Variants in ZNF644 observed in about 807,000 individuals in gnomAD.
The protein encoded by ZNF644 is zinc finger motif enhancer binding protein 2.
In ZNF644, 20 loss-of-function variants were observed where a neutral mutation model predicts 108.0. The observed-to-expected ratio is 0.19, with a 90% CI of 0.13 to 0.27. ZNF644 has a LOEUF of 0.27. Among genes scored for constraint, ZNF644 ranks in the 10% least tolerant of loss-of-function variants. ZNF644 has a pLI of 1.00. For synonymous variants in ZNF644, 542 were observed against 539.1 expected (o/e 1.01, Z -0.08); for missense variants, 1,338 against 1,548.9 (o/e 0.86, Z 2.29).
At chr1:90,950,218 A>G (rs556264450) in intron 2 of ZNF644, among the ~76,000 whole-genome samples, 10 of 133,948 alleles carry the variant, frequency 7.5e-5, no homozygotes, top group Non-Finnish European at 1.3e-4. Flanking sequence ...GAAAGGTTGC[A>G]GTGAGCCGAG....
chr1:90,958,597 T>C (rs1419386690), intron 2 of ZNF644, among the ~76,000 whole-genome samples: 4 of 151,996 alleles, frequency 2.6e-5, no homozygotes, highest in Admixed American at 6.6e-5. Flanking sequence ...TAGTAATCAA[T>C]GTGGCAGTAG....
intron 1 of ZNF644, among the ~76,000 whole-genome samples, chr1:91,005,920 A>G (rs139704714): frequency 6.6e-6 from 1 of 152,110 alleles, no homozygotes; most frequent in East Asian, 1.9e-4. Flanking sequence ...CAGCAGAAAT[A>G]GAGAACAGAA....
At position 91,000,100 on chromosome 1, in the gene ZNF644, C is replaced by T. The variant is rs951202414; in HGVS notation, c.-17-17730G>A. ...ACACAATAATAAAGGGAGACTTTAG[C>T]ACCCCACTGTCAACATTAGACAGAT... On this transcript the variant is annotated intron_variant, in intron 1 of 5. Transcript: ENST00000337393. 9.9e-5 allele frequency among the ~76,000 whole-genome samples: 15 copies of T among 152,160 alleles called. 1 individual carries two copies. Among genetic ancestry groups the T allele is most frequent in the Admixed American group, 9.8e-4 (15 of 15,284 alleles).
intron 2 of ZNF644, among the ~76,000 whole-genome samples, chr1:90,958,970 G>C (rs1455832574): frequency 6.6e-6 from 1 of 151,498 alleles, no homozygotes; most frequent in African/African-American, 2.4e-5. Context: ...AACAGAAATT[G>C]AACTTTATCA....
At chr1:90,949,444 G>C (rs1652861292) in intron 2 of ZNF644, among the ~76,000 whole-genome samples, 1 of 151,890 alleles carries the variant, frequency 6.6e-6, no homozygotes, top group Admixed American at 6.6e-5. Flanking sequence ...TCTTAATTTA[G>C]GATGGTAATA....
In ZNF644 at chr1:90,941,447, T is replaced by A. The variant is rs1437460722; in HGVS notation, c.45-138A>T. 3 of 806,600 alleles carry A rather than the reference T, an allele frequency of 3.7e-6. No individual in the cohort carries two copies. The African/African-American group carries it at 5.2e-5, about 14-fold the overall frequency. The allele number at this position is 806,600 out of a possible 1,614,324, so 50.0% of individuals were successfully genotyped here. ...TGAGATTCTAATAATTTTCCAAGAA[T>A]GAAAGAACACAAACATATTGAAATA... is the stretch of plus-strand genomic sequence containing the variant. On this transcript the variant is annotated intron_variant, in intron 2 of 5. Coordinates refer to ENST00000337393, the MANE Select transcript of ZNF644 (RefSeq NM_201269.3).
chr1:91,011,424 AT>A (rs1264978089), intron 1 of ZNF644, among the ~76,000 whole-genome samples: 2 of 152,194 alleles, frequency 1.3e-5, no homozygotes, highest in Non-Finnish European at 2.9e-5. Context: ...GTGAAGATAT[AT>A]TTTTTATTAT....
In ZNF644 at chr1:90,940,438, C is replaced by G; in HGVS notation, c.916G>C (p.Asp306His). 5 of 1,613,528 alleles carry G rather than the reference C, an allele frequency of 3.1e-6. No homozygotes were observed. Among genetic ancestry groups the G allele is most frequent in the Non-Finnish European group, 4.2e-6 (5 of 1,179,890 alleles). ...ACACAATTAGAATCACTAAAGCAATCCTCGGTATAACGAGTTATCTTGCTT... is the reference window on the plus strand; with the variant it reads ...ACACAATTAGAATCACTAAAGCAATGCTCGGTATAACGAGTTATCTTGCTT... ...DVSKITRYTE[D>H]CFSDSNCVPN... Residue 306 changes from aspartate (D) to histidine (H), a missense_variant, in exon 3 of 6, where the codon GAT (aspartate) becomes CAT (histidine). Asp to His is a moderately conservative substitution (Grantham distance 81). This residue lies in a region of ZNF644 where 464 missense variants were observed against 457.9 expected (regional missense o/e 1.01). Coordinates refer to ENST00000337393, the MANE Select transcript of ZNF644 (RefSeq NM_201269.3).
chr1:90,932,142 T>C (rs1381679474), intron 4 of ZNF644, among the ~76,000 whole-genome samples: 2 of 152,182 alleles, frequency 1.3e-5, no homozygotes, highest in African/African-American at 4.8e-5. Context: ...GTATTCAGGA[T>C]ACTTGAAGAG....
Position 90,938,208 on chromosome 1 carries a change from CTT to C in ZNF644, c.3082+62_3082+63del. ...TAATAAAGACTAAATTCAAAAAAAA[CTT>C]TTAAATCTTCAGAATTAGAACACAG... On this transcript the variant is annotated intron_variant, in intron 3 of 5. Transcript: ENST00000337393. The surrounding 1 kb of genome is among the most constrained non-coding windows in gnomAD (Gnocchi z 4.2). 6.2e-7 allele frequency: 1 copy of C among 1,611,330 alleles called. No homozygotes were observed. Among genetic ancestry groups the C allele is most frequent in the Non-Finnish European group, 8.5e-7 (1 of 1,178,192 alleles).
rs765790913 is a variant in ZNF644, at chr1:90,940,121, G to C, written c.1233C>G (p.Pro411=). Residue 411 remains proline (P), a synonymous_variant, in exon 3 of 6, where the codon CCC becomes CCG. Coordinates refer to ENST00000337393, the MANE Select transcript of ZNF644 (RefSeq NM_201269.3). ...TFSTEEPSFY[P]CTKCNVNFRE... is the part of the protein sequence containing the mutation. ...TAAAATTCACATTGCACTTTGTACA[G>C]GGGTAGAATGATGGCTCTTCGGTAC... is the stretch of plus-strand genomic sequence containing the variant. 3 of 1,614,038 alleles carry C rather than the reference G, an allele frequency of 1.9e-6. No individual in the cohort carries two copies. Among genetic ancestry groups the C allele is most frequent in the Non-Finnish European group, 2.5e-6 (3 of 1,179,964 alleles).
intron 1 of ZNF644, among the ~76,000 whole-genome samples, chr1:90,994,515 A>G (rs959910716): frequency 6.6e-6 from 1 of 152,220 alleles, no homozygotes; most frequent in Non-Finnish European, 1.5e-5. Context: ...AAATAATTGG[A>G]TGACTGATAA....
At chr1:90,941,465 T>A (rs1376139881) in intron 2 of ZNF644, among the ~76,000 whole-genome samples, 156 bp from the exon 3 acceptor site, 1 of 152,144 alleles carries the variant, frequency 6.6e-6, no homozygotes, top group African/African-American at 2.4e-5. Flanking sequence ...CACAAACATA[T>A]TGAAATATTT....
chr1:90,950,363 C>T (rs1653016053), intron 2 of ZNF644, among the ~76,000 whole-genome samples: 1 of 124,860 alleles, frequency 8.0e-6, no homozygotes, highest in Non-Finnish European at 1.7e-5. Context: ...AGAAATAGTG[C>T]TAATAATAGT....
chr1:90,949,987 T>C (rs1333102875), intron 2 of ZNF644, among the ~76,000 whole-genome samples: 1 of 151,940 alleles, frequency 6.6e-6, no homozygotes, highest in Non-Finnish European at 1.5e-5. Context: ...TTCAAAAAAA[T>C]AGCGCTGGGG....
chr1:90,994,726 T>C (rs527999932), intron 1 of ZNF644, among the ~76,000 whole-genome samples: 6 of 152,310 alleles, frequency 3.9e-5, no homozygotes, highest in South Asian at 2.1e-4. Context: ...AGAAGCTCTG[T>C]AGAACAGCTG....
rs1466684020 is a variant in ZNF644 at position 90,940,025 on chromosome 1, A to G, written c.1329T>C (p.Asn443=). ...LDGNSHFRHL[N]VPRPYACREC... ...CTCTACAAGCATATGGCCTTGGGAC[A>G]TTAAGATGGCGAAAGTGACTATTCC... The change falls in exon 3 of 6, where the codon AAT becomes AAC. Residue 443 remains asparagine, a synonymous_variant. Coordinates refer to ENST00000337393, the MANE Select transcript of ZNF644 (RefSeq NM_201269.3). 6.2e-7 allele frequency: 1 copy of G among 1,614,126 alleles called. No homozygotes were observed.
chr1:90,940,744 T>C lies in ZNF644; in HGVS notation c.610A>G (p.Ile204Val), dbSNP rs993279651. The part of the protein sequence containing the change: ...LPTSASVGCD[I>V]QNSVGSNIKS... ...ATATTACTCCCTACTGAATTCTGAA[T>C]GTCACAACCAACTGAAGCAGAGGTA... The change falls in exon 3 of 6, where the codon ATT becomes GTT. Residue 204 changes from isoleucine to valine, a missense_variant. This residue lies in a region of ZNF644 where 464 missense variants were observed against 457.9 expected (regional missense o/e 1.01). Coordinates refer to ENST00000337393, the MANE Select transcript of ZNF644 (RefSeq NM_201269.3). The C allele has an allele frequency of 6.2e-7, 1 of 1,613,940 alleles. No homozygotes were observed. Among genetic ancestry groups the C allele is most frequent in the African/African-American group, 1.3e-5 (1 of 74,944 alleles).
At chr1:91,010,657 A>G (rs1334506703) in intron 1 of ZNF644, among the ~76,000 whole-genome samples, 1 of 152,072 alleles carries the variant, frequency 6.6e-6, no homozygotes, top group African/African-American at 2.4e-5. Flanking sequence ...CAGATCATTC[A>G]TTTTATTTTG....
Sources: allele counts gnomAD v4.1 joint callset (sites outside exome capture counted in the v4.1 genomes callset), GRCh38; gene constraint gnomAD v4.1.1; regional missense constraint gnomAD v4.1.1; non-coding constraint Gnocchi (gnomAD v3.1); transcripts MANE v1.5; gene names NCBI Gene and HGNC (gene_info 2026-07-23, HGNC 2026-07-21).